Variants in PTPRD observed in about 807,000 individuals in gnomAD.
The protein encoded by PTPRD is receptor-type tyrosine-protein phosphatase delta.
A neutral mutation model predicts 214.5 loss-of-function variants in PTPRD; 34 were observed. That is an observed-to-expected ratio of 0.16 (90% CI 0.12 to 0.21). The LOEUF (loss-of-function observed/expected upper bound fraction) is 0.21, where lower values mean the gene tolerates loss of function less well. Ranked by LOEUF, PTPRD falls within the 10% of genes least tolerant of loss-of-function variation. The pLI is 1.00. For missense variants in PTPRD, 2,545 were observed against 2,398.7 expected (o/e 1.06, Z -1.27); for synonymous variants, 1,128 against 845.7 (o/e 1.33, Z -5.79).
intron 11 of PTPRD, among the ~76,000 whole-genome samples, chr9:8,764,200 G>A (rs1459389984): frequency 6.6e-6 from 1 of 152,150 alleles, no homozygotes; most frequent in Non-Finnish European, 1.5e-5. Context: ...ACACGTATGT[G>A]AAACATGCTT....
chr9:9,053,694 G>A (rs188698356), intron 10 of PTPRD, among the ~76,000 whole-genome samples: 4 of 152,106 alleles, frequency 2.6e-5, no homozygotes, highest in Admixed American at 2.0e-4. Flanking sequence ...AATAGCTCTA[G>A]GAAATTAGTA....
chr9:10,584,195 G>A (rs1325786349), intron 2 of PTPRD, among the ~76,000 whole-genome samples: 44 of 146,282 alleles, frequency 3.0e-4, no homozygotes, highest in Admixed American at 2.7e-3. Context: ...AAAAAAAAAA[G>A]AAAGAAAAAA....
At chr9:9,364,793 G>A (rs2057391121) in intron 9 of PTPRD, among the ~76,000 whole-genome samples, 1 of 151,416 alleles carries the variant, frequency 6.6e-6, no homozygotes, top group Non-Finnish European at 1.5e-5. Flanking sequence ...TTGAGGTGAG[G>A]AGTGATGTGA....
intron 21 of PTPRD, among the ~76,000 whole-genome samples, chr9:8,508,415 T>C (rs1468264572): frequency 6.6e-6 from 1 of 152,182 alleles, no homozygotes; most frequent in African/African-American, 2.4e-5. Context: ...TAATCGTACA[T>C]TGTTCTTGGC....
At chr9:9,910,644 T>G (rs2078933099) in intron 5 of PTPRD, among the ~76,000 whole-genome samples, 1 of 152,062 alleles carries the variant, frequency 6.6e-6, no homozygotes, top group Non-Finnish European at 1.5e-5. Flanking sequence ...GGCATTGTTT[T>G]TTGTTATTTA....
At chr9:9,459,610 C>G (rs866372288) in intron 8 of PTPRD, among the ~76,000 whole-genome samples, 1 of 151,940 alleles carries the variant, frequency 6.6e-6, no homozygotes. Flanking sequence ...AAAACAGCCA[C>G]AAAAATACCT....
chr9:10,592,499 C>CA (rs2075706975), intron 2 of PTPRD, among the ~76,000 whole-genome samples: 1 of 151,944 alleles, frequency 6.6e-6, no homozygotes, highest in Admixed American at 6.6e-5. Flanking sequence ...ACCCCAGCTA[C>CA]AGGTAATAGC....
rs367818887 is a variant in PTPRD at position 8,470,977 on chromosome 9, C to T, written c.3504+18G>A. 3.3e-5 allele frequency: 52 copies of T among 1,599,880 alleles called. No individual in the cohort carries two copies. Among genetic ancestry groups the T allele is most frequent in the Non-Finnish European group, 4.3e-5 (50 of 1,167,546 alleles). The stretch of plus-strand genomic sequence containing the variant: ...TTAAATAACGAATAAAAGACATGGC[C>T]AACAATGACACAGTTACCTCATCTA... On this transcript the variant is annotated intron_variant, in intron 31 of 45. Transcript: ENST00000381196.
chr9:8,411,102 T>C (rs1423507938), intron 35 of PTPRD, among the ~76,000 whole-genome samples: 1 of 151,992 alleles, frequency 6.6e-6, no homozygotes, highest in East Asian at 1.9e-4. Context: ...AATTCTTTTT[T>C]TTAACTCAGT....
intron 3 of PTPRD, among the ~76,000 whole-genome samples, chr9:10,099,451 C>T (rs409047): frequency 0.37 from 56,144 of 151,456 alleles, 11,385 homozygotes; most frequent in East Asian, 0.53. Context: ...GTAAATTATA[C>T]GAGTTAATAT....
At chr9:9,108,528 C>G (rs1459749538) in intron 10 of PTPRD, among the ~76,000 whole-genome samples, 3 of 152,154 alleles carry the variant, frequency 2.0e-5, no homozygotes, top group Non-Finnish European at 4.4e-5. Context: ...TGACTCTCCT[C>G]TATGTAGTGA....
At chr9:9,168,143 T>C (rs1347929041) in intron 10 of PTPRD, among the ~76,000 whole-genome samples, 3 of 152,198 alleles carry the variant, frequency 2.0e-5, no homozygotes, top group Admixed American at 6.5e-5. Flanking sequence ...TTATGTTTTG[T>C]GTACGGTTCT....
chr9:10,324,422 A>G (rs994684628), intron 3 of PTPRD, among the ~76,000 whole-genome samples: 1 of 152,066 alleles, frequency 6.6e-6, no homozygotes, highest in Non-Finnish European at 1.5e-5. Flanking sequence ...GCAAGTCGGT[A>G]TGACTTCATA....
At chr9:9,384,511 C>T (rs2063307984) in intron 9 of PTPRD, among the ~76,000 whole-genome samples, 1 of 151,356 alleles carries the variant, frequency 6.6e-6, no homozygotes, top group Non-Finnish European at 1.5e-5. Context: ...GTATTCACTA[C>T]ATTTTTATTT....
Position 8,446,544 on chromosome 9 carries a change from G to C in PTPRD, c.3988+3181C>G, listed in dbSNP as rs564830659. On this transcript the variant is annotated intron_variant, in intron 34 of 45. Coordinates refer to ENST00000381196, the MANE Select transcript of PTPRD (RefSeq NM_002839.4). The stretch of plus-strand genomic sequence containing the variant: ...CCTTTGGGAACAAATTCTGTACTAG[G>C]TACTGGTTATATAAATCACAGGCAT... Among the ~76,000 whole-genome samples, 4 of 152,216 alleles carry C rather than the reference G, an allele frequency of 2.6e-5. No homozygotes were observed. The South Asian group carries it at 8.3e-4, about 32-fold the overall frequency.
At chr9:9,154,327 C>A (rs899400944) in intron 10 of PTPRD, among the ~76,000 whole-genome samples, 3 of 152,156 alleles carry the variant, frequency 2.0e-5, no homozygotes, top group Admixed American at 1.3e-4. Flanking sequence ...GCTTAAACCA[C>A]AAGCATTTGT....
chr9:9,561,163 C>T (rs576412513), intron 8 of PTPRD, among the ~76,000 whole-genome samples: 73 of 152,206 alleles, frequency 4.8e-4, no homozygotes, highest in African/African-American at 1.4e-3. Context: ...TGATAACAAG[C>T]GGAGTTATAC....
chr9:8,927,204 A>G (rs2098905505), intron 11 of PTPRD, among the ~76,000 whole-genome samples: 2 of 152,028 alleles, frequency 1.3e-5, no homozygotes, highest in Non-Finnish European at 2.9e-5. Flanking sequence ...TTCAACATTG[A>G]CTGTTTTTCT....
At chr9:9,653,148 C>T (rs1429023842) in intron 7 of PTPRD, among the ~76,000 whole-genome samples, 1 of 150,048 alleles carries the variant, frequency 6.7e-6, no homozygotes, top group Non-Finnish European at 1.5e-5. Context: ...CGAGACCATC[C>T]TGGCTAACAA....
Sources: gnomAD v4.1 joint callset for allele counts (sites outside exome capture counted in the v4.1 genomes callset) on GRCh38, gnomAD v4.1.1 for gene constraint, MANE v1.5 for transcripts, NCBI Gene and HGNC (gene_info 2026-07-23, HGNC 2026-07-21) for gene names.